Variants in LAMC3 observed in about 807,000 individuals in gnomAD.
The protein encoded by LAMC3 is laminin subunit gamma-3.
In LAMC3, 128 loss-of-function variants were observed where a neutral mutation model predicts 173.8. That is an observed-to-expected ratio of 0.74 (90% confidence interval 0.64 to 0.85). The LOEUF (loss-of-function observed/expected upper bound fraction) is 0.85, where lower values mean the gene tolerates loss of function less well. Ranked by LOEUF, LAMC3 falls within the 40% of genes least tolerant of loss-of-function variation. LAMC3 has a pLI of 0.00. For missense variants in LAMC3, 2,022 were observed against 2,156.0 expected, an observed-to-expected ratio of 0.94 and a Z score of 1.23; for synonymous variants, 897 against 909.1, an observed-to-expected ratio of 0.99 and a Z score of 0.24.
chr9:131,067,057 C>T lies in LAMC3; in HGVS notation c.2445C>T (p.Asn815=), dbSNP rs145571152. The change falls in exon 14 of 28, where the codon AAC becomes AAT. Residue 815 remains asparagine (N), a synonymous_variant. Transcript: ENST00000361069. ...GCCACCAGTGCCAGTGTAGCGGGAA[C>T]GTGGACCCCAATGCCGTGGGCAACT... The part of the protein sequence containing the change: ...QPCHQCQCSG[N]VDPNAVGNCD... 197 of 1,614,116 alleles carry T rather than the reference C, an allele frequency of 1.2e-4. 1 individual carries two copies. The African/African-American group carries it at 2.0e-3, about 16-fold the overall frequency.
At chr9:131,054,569 T>C (rs7021112) in intron 11 of LAMC3, among the ~76,000 whole-genome samples, 80,179 of 151,854 alleles carry the variant, frequency 0.53, 22,502 homozygotes, top group African/African-American at 0.73. Context: ...GCCTGGGCAA[T>C]ATGGTGAAAC....
intron 27 of LAMC3, among the ~76,000 whole-genome samples, chr9:131,091,011 A>G (rs1051465049): frequency 6.6e-6 from 1 of 152,092 alleles, no homozygotes; most frequent in African/African-American, 2.4e-5. Flanking sequence ...ACAGAGCGAG[A>G]CTCCGTCTCA....
rs1280847112 is a variant in LAMC3 at position 131,009,446 on chromosome 9, G to A, written c.232G>A (p.Asp78Asn). 3 of 1,545,936 alleles carry A rather than the reference G, an allele frequency of 1.9e-6. No homozygotes were observed. In the Admixed American group the frequency reaches 5.9e-5, roughly 30 times the overall value. Residue 78 changes from aspartate (D) to asparagine (N), a missense_variant, in exon 1 of 28, where the codon GAC (aspartate) becomes AAC (asparagine). Coordinates refer to ENST00000361069, the MANE Select transcript of LAMC3 (RefSeq NM_006059.4). This position sits in a 1 kb window ranked among gnomAD's most constrained non-coding sequence, Gnocchi z 4.3. ...AGAGAHCQRC[D>N]AADPQRHHNA... is the part of the protein sequence containing the mutation. ...CGCGGGGGCTCATTGCCAGCGCTGC[G>A]ACGCCGCCGACCCCCAGCGCCACCA...
intron 4 of LAMC3, among the ~76,000 whole-genome samples, chr9:131,036,802 T>C (rs929379539): frequency 1.3e-5 from 2 of 152,172 alleles, no homozygotes; most frequent in African/African-American, 4.8e-5. Context: ...GATGCCATCA[T>C]GTCTTCTCCA....
At chr9:131,069,558 G>A in intron 16 of LAMC3, 114 bp from the exon 17 acceptor site, 1 of 974,384 alleles carries the variant, frequency 1.0e-6, no homozygotes, top group Non-Finnish European at 1.5e-6. Context: ...TGCTGCCTAG[G>A]GCATTCTGGG....
intron 1 of LAMC3, among the ~76,000 whole-genome samples, chr9:131,022,102 A>G (rs1194635869): frequency 6.6e-6 from 1 of 152,120 alleles, no homozygotes; most frequent in Non-Finnish European, 1.5e-5. Flanking sequence ...CTTTAGAGTG[A>G]AAGGAGGGCA....
chr9:131,032,235 G>C, intron 3 of LAMC3, 60 bp downstream of exon 3: 1 of 637,188 alleles, frequency 1.6e-6, no homozygotes, highest in Non-Finnish European at 2.7e-6. Flanking sequence ...GAGAGCGGAA[G>C]GTGGCTGCTG....
In LAMC3 at chr9:131,075,891, C is replaced by T; in HGVS notation, c.3555C>T (p.Asn1185=). The T allele has an allele frequency of 1.2e-6, 2 of 1,612,664 alleles. No homozygotes were observed. The highest frequency in any genetic ancestry group is 2.2e-5 in the East Asian group (1 of 44,822). Residue 1185 remains asparagine, a synonymous_variant, in exon 21 of 28, where the codon AAC becomes AAT. Coordinates refer to ENST00000361069, the MANE Select transcript of LAMC3 (RefSeq NM_006059.4). Reference sequence around the variant, plus strand: ...CTTGGAGGGCCCTGCTCGCCTCCAACACCAGCTACGCGCTTCTCTGGAATC... The same window carrying T: ...CTTGGAGGGCCCTGCTCGCCTCCAATACCAGCTACGCGCTTCTCTGGAATC... ...ATAWRALLAS[N]TSYALLWNLL...
chr9:131,012,392 C>T (rs560469235), intron 1 of LAMC3, among the ~76,000 whole-genome samples: 17 of 152,304 alleles, frequency 1.1e-4, no homozygotes, highest in Non-Finnish European at 2.4e-4. Context: ...AGCAGCTGTT[C>T]GGGTTCATGA....
At chr9:131,045,166 G>A (rs1834125679) in intron 7 of LAMC3, among the ~76,000 whole-genome samples, 1 of 149,356 alleles carries the variant, frequency 6.7e-6, no homozygotes, top group Admixed American at 6.7e-5. Context: ...AGGCTGCAGT[G>A]AGCCAAGATT....
chr9:131,090,922 G>A (rs1432929127), intron 27 of LAMC3, among the ~76,000 whole-genome samples: 4 of 152,190 alleles, frequency 2.6e-5, no homozygotes, highest in Non-Finnish European at 5.9e-5. Flanking sequence ...CCAGATACTC[G>A]GGAGGCTGAG....
chr9:131,013,397 C>T (rs373923205), intron 1 of LAMC3, among the ~76,000 whole-genome samples: 18 of 152,212 alleles, frequency 1.2e-4, no homozygotes, highest in East Asian at 1.2e-3. Context: ...AGACCTGAGT[C>T]CCCCAAGCAG....
At chr9:131,065,819 G>A in intron 13 of LAMC3, among the ~76,000 whole-genome samples, 1 of 122,542 alleles carries the variant, frequency 8.2e-6, no homozygotes, top group African/African-American at 3.0e-5. Flanking sequence ...TGAAGGTGAT[G>A]ATGATGAGAA....
chr9:131,079,161 C>G lies in LAMC3; in HGVS notation c.3790C>G (p.Arg1264Gly). 6.2e-7 allele frequency: 1 copy of G among 1,613,336 alleles called. No individual in the cohort carries two copies. The highest frequency in any genetic ancestry group is 8.5e-7 in the Non-Finnish European group (1 of 1,179,648). ...TGTCTCCCTGCAGCCTCAGAAGTCC[C>G]GGGCTGAAGACCTGGGCCTGAAGGC... is the stretch of plus-strand genomic sequence containing the variant. ...ASPGALPQKSRAEDLGLKAKA... is the reference protein window; with the variant it reads ...ASPGALPQKSGAEDLGLKAKA... Residue 1264 changes from arginine to glycine, a missense_variant, in exon 23 of 28, where the codon CGG becomes GGG. Arg to Gly is a moderately radical substitution (Grantham distance 125). Coordinates refer to ENST00000361069, the MANE Select transcript of LAMC3 (RefSeq NM_006059.4).
At chr9:131,015,356 G>T (rs1173654733) in intron 1 of LAMC3, among the ~76,000 whole-genome samples, 2 of 152,130 alleles carry the variant, frequency 1.3e-5, no homozygotes, top group Non-Finnish European at 2.9e-5. Context: ...GCCCTGCCCT[G>T]CTCTCCCTTG....
At chr9:131,054,886 G>A (rs983893425) in intron 11 of LAMC3, among the ~76,000 whole-genome samples, 4 of 152,188 alleles carry the variant, frequency 2.6e-5, no homozygotes, top group Admixed American at 2.0e-4. Flanking sequence ...CACACAGTAC[G>A]ATATTCTGGG....
In LAMC3 at chr9:131,068,098, G is replaced by T; in HGVS notation, c.2614G>T (p.Gly872Cys). The T allele has an allele frequency of 6.2e-7, 1 of 1,611,908 alleles. No homozygotes were observed. The highest frequency in any genetic ancestry group is 8.5e-7 in the Non-Finnish European group (1 of 1,180,000). Residue 872 changes from glycine to cysteine, a missense_variant, in exon 15 of 28, where the codon GGC (glycine) becomes TGC (cysteine). Physicochemically the swap from Gly to Cys is radical, Grantham distance 159 (BLOSUM62 -3). Transcript: ENST00000361069. ...CCCAGCTTGCAGCTGTCACCCACAGGGCTCGGTCAGTGAGCAGATGCCCTG... is the reference window on the plus strand; with the variant it reads ...CCCAGCTTGCAGCTGTCACCCACAGTGCTCGGTCAGTGAGCAGATGCCCTG... The part of the protein sequence containing the change: ...KCMPCSCHPQ[G>C]SVSEQMPCDP...
chr9:131,081,465 T>C (rs118022685), intron 23 of LAMC3, among the ~76,000 whole-genome samples: 43,066 of 113,060 alleles, frequency 0.38, 7,015 homozygotes, highest in Non-Finnish European at 0.42. Flanking sequence ...CTCCCTCCCT[T>C]CCTTCCTTTC....
intron 9 of LAMC3, among the ~76,000 whole-genome samples, chr9:131,050,701 G>A (rs1204321637): frequency 2.0e-5 from 3 of 152,044 alleles, no homozygotes; most frequent in Non-Finnish European, 4.4e-5. Flanking sequence ...CTGGGAGATG[G>A]AGGTTGCAGT....
Sources: gnomAD v4.1 joint callset for allele counts (sites outside exome capture counted in the v4.1 genomes callset) on GRCh38, gnomAD v4.1.1 for gene constraint, Gnocchi (gnomAD v3.1) non-coding constraint, MANE v1.5 for transcripts, NCBI Gene and HGNC (gene_info 2026-07-23, HGNC 2026-07-21) for gene names.